The following ATP9A variants were observed in gnomAD, a reference collection of about 807,000 sequenced individuals.
ATP9A encodes probable phospholipid-transporting ATPase IIA.
In ATP9A, 52 loss-of-function variants were observed where a neutral mutation model predicts 144.1. The observed-to-expected ratio is 0.36, with a 90% confidence interval of 0.29 to 0.45. The LOEUF is 0.45. ATP9A is among the 20% of genes least tolerant of loss of function. The pLI is 1.00. For synonymous variants in ATP9A, 582 were observed against 557.4 expected (o/e 1.04, Z -0.62); for missense variants, 947 against 1,392.7 (o/e 0.68, Z 5.09).
chr20:51,654,756 T>C (rs1454526247), intron 14 of ATP9A, among the ~76,000 whole-genome samples: 1 of 150,774 alleles, frequency 6.6e-6, no homozygotes. Context: ...AAAATACTCA[T>C]TCAATTTGAC....
At chr20:51,712,141 A>C (rs1282779954) in intron 4 of ATP9A, among the ~76,000 whole-genome samples, 1 of 135,584 alleles carries the variant, frequency 7.4e-6, no homozygotes, top group Non-Finnish European at 1.5e-5. Flanking sequence ...GGCGCGGTCT[A>C]TGCTCACTGC....
intron 13 of ATP9A, among the ~76,000 whole-genome samples, chr20:51,659,587 G>C (rs2077402896): frequency 6.6e-6 from 1 of 152,114 alleles, no homozygotes; most frequent in Non-Finnish European, 1.5e-5. Flanking sequence ...CTGAATTGTG[G>C]AGGCTAGAAA....
intron 13 of ATP9A, among the ~76,000 whole-genome samples, chr20:51,658,850 C>G (rs77142552): frequency 7.9e-6 from 1 of 127,134 alleles, no homozygotes; most frequent in Non-Finnish European, 1.5e-5. Context: ...AGAAAGGGTT[C>G]TACTGCTTTA....
intron 21 of ATP9A, among the ~76,000 whole-genome samples, chr20:51,618,155 G>GGTTGCAATGAGCTGAGATTGTGTC (rs1486611249): frequency 1.1e-4 from 16 of 151,840 alleles, no homozygotes; most frequent in Admixed American, 3.9e-4. Flanking sequence ...GGGAGACGGA[G>GGTTGCAATGAGCTGAGATTGTGTC]GTTGCAATGA....
chr20:51,645,053 A>G (rs2077336645), intron 14 of ATP9A, among the ~76,000 whole-genome samples: 1 of 152,232 alleles, frequency 6.6e-6, no homozygotes, highest in Admixed American at 6.5e-5. Flanking sequence ...GAATAACTAT[A>G]ACCTGAAATG....
At chr20:51,683,144 C>T (rs2077507701) in intron 9 of ATP9A, among the ~76,000 whole-genome samples, 1 of 152,070 alleles carries the variant, frequency 6.6e-6, no homozygotes, top group Non-Finnish European at 1.5e-5. Context: ...AACTGGAGTA[C>T]ACTGGTGATC....
At chr20:51,604,765 G>T in intron 27 of ATP9A, 52 bp downstream of exon 27, 1 of 1,411,048 alleles carries the variant, frequency 7.1e-7, no homozygotes, top group Non-Finnish European at 9.3e-7. Flanking sequence ...GAGACCTCTG[G>T]GCCAGATTCA....
Position 51,729,877 on chromosome 20 carries a change from A to G in ATP9A, c.170T>C (p.Val57Ala), listed in dbSNP as rs1184986589. 2 of 1,606,532 alleles carry G rather than the reference A, an allele frequency of 1.2e-6. No individual in the cohort carries two copies. The highest frequency in any genetic ancestry group is 2.2e-5 in the South Asian group (2 of 90,304). ...GAAATTGTACTTCTGATTGTTGATG[A>G]CATTCCGAGGATACCTCTGGTCTCT... is the stretch of plus-strand genomic sequence containing the variant. ...EKRDQRYPRN[V>A]INNQKYNFFT... Residue 57 changes from valine to alanine, a missense_variant, in exon 2 of 28, where the codon GTC (valine) becomes GCC (alanine). Coordinates refer to ENST00000338821, the MANE Select transcript of ATP9A (RefSeq NM_006045.3).
chr20:51,625,629 C>G (rs1431825905), intron 17 of ATP9A, among the ~76,000 whole-genome samples: 1 of 152,204 alleles, frequency 6.6e-6, no homozygotes, highest in Non-Finnish European at 1.5e-5. Flanking sequence ...CTCTCTGAGC[C>G]GTGGCCACGA....
chr20:51,723,895 G>C (rs570934136), intron 3 of ATP9A, among the ~76,000 whole-genome samples: 4 of 152,246 alleles, frequency 2.6e-5, no homozygotes, highest in African/African-American at 9.6e-5. Context: ...ATAGAGCCAG[G>C]TGCAGTGTCT....
intron 13 of ATP9A, among the ~76,000 whole-genome samples, chr20:51,657,998 A>G (rs115139265): frequency 1.1e-3 from 175 of 152,358 alleles, no homozygotes; most frequent in African/African-American, 4.1e-3. Flanking sequence ...AACACAGCTC[A>G]GCCCCTGAAA....
intron 15 of ATP9A, among the ~76,000 whole-genome samples, chr20:51,630,890 G>A (rs921572639): frequency 1.9e-4 from 29 of 152,106 alleles, no homozygotes; most frequent in African/African-American, 5.6e-4. Context: ...GAAGGTGCCC[G>A]TAATTGTCCT....
At chr20:51,707,377 T>C (rs1170768124) in intron 4 of ATP9A, among the ~76,000 whole-genome samples, 5 of 152,102 alleles carry the variant, frequency 3.3e-5, no homozygotes. Context: ...CCCTGGCTCA[T>C]ACCTCCATTA....
chr20:51,676,222 A>C lies in ATP9A; in HGVS notation c.800-14T>G. The C allele has an allele frequency of 1.3e-6, 2 of 1,566,774 alleles. No homozygotes were observed. The highest frequency in any genetic ancestry group is 1.2e-5 in the South Asian group (1 of 85,478). On this transcript the variant is annotated splice_polypyrimidine_tract_variant and intron_variant, in intron 9 of 27. Transcript: ENST00000338821. Reference sequence around the variant, plus strand: ...CCACAACAGTACCTAAAATGGAAAAAAGAAAAAAAAAAAAAGAAAAGAAAT... The same window carrying C: ...CCACAACAGTACCTAAAATGGAAAACAGAAAAAAAAAAAAAGAAAAGAAAT...
At chr20:51,630,984 G>A (rs539598240) in intron 15 of ATP9A, among the ~76,000 whole-genome samples, 2 of 152,064 alleles carry the variant, frequency 1.3e-5, no homozygotes, top group African/African-American at 4.8e-5. Context: ...TTTTCCTGCC[G>A]CCCAAAACTA....
intron 14 of ATP9A, among the ~76,000 whole-genome samples, chr20:51,648,737 C>T (rs914298708): frequency 6.6e-6 from 1 of 152,056 alleles, no homozygotes; most frequent in Non-Finnish European, 1.5e-5. Context: ...AAGGCTGAGG[C>T]GGGAGGACTG....
In ATP9A at chr20:51,669,303, G is replaced by A. The variant is rs527541432; in HGVS notation, c.1293+694C>T. On this transcript the variant is annotated intron_variant, in intron 13 of 27. Coordinates refer to ENST00000338821, the MANE Select transcript of ATP9A (RefSeq NM_006045.3). ...CACACAGCCAAGATGGGGACCCACC[G>A]GTCTAACACTTTAGGAATATTAGGA... is the stretch of plus-strand genomic sequence containing the variant. Among the ~76,000 whole-genome samples the A allele has an allele frequency of 6.6e-5, 10 of 152,246 alleles. No individual in the cohort carries two copies. In the South Asian group the frequency reaches 1.0e-3, roughly 16 times the overall value.
At chr20:51,747,443 T>C (rs761408443) in intron 1 of ATP9A, among the ~76,000 whole-genome samples, 1 of 152,058 alleles carries the variant, frequency 6.6e-6, no homozygotes, top group South Asian at 2.1e-4. Context: ...AATGGATTTG[T>C]ACCAATTGCA....
At chr20:51,712,494 C>G (rs1601120882) in intron 4 of ATP9A, among the ~76,000 whole-genome samples, 1 of 152,318 alleles carries the variant, frequency 6.6e-6, no homozygotes, top group East Asian at 1.9e-4. Flanking sequence ...TTATAAAATG[C>G]CTTCAAAGAA....
Sources: allele counts gnomAD v4.1 joint callset (sites outside exome capture counted in the v4.1 genomes callset), GRCh38; gene constraint gnomAD v4.1.1; transcripts MANE v1.5; gene names NCBI Gene and HGNC (gene_info 2026-07-23, HGNC 2026-07-21).